ATP6V1C1: variants seen among roughly 807,000 people sequenced by gnomAD.
ATP6V1C1 encodes the protein ATPase H+ transporting V1 subunit C1, also known as V-type proton ATPase subunit C 1.
A neutral mutation model predicts 53.9 loss-of-function variants in ATP6V1C1; 45 were observed. The ratio of observed to expected loss-of-function variants is 0.83; its 90% CI spans 0.66 to 1.07. The LOEUF is 1.07. Ranked by LOEUF, ATP6V1C1 falls within the 50% of genes least tolerant of loss-of-function variation. The pLI, the probability that ATP6V1C1 is intolerant of heterozygous loss-of-function variation, is 0.00. For synonymous variants in ATP6V1C1, 153 were observed against 155.2 expected (o/e 0.99, Z 0.11); for missense variants, 315 against 440.3 (o/e 0.72, Z 2.55).
chr8:103,036,597 T>C (rs1563602333), intron 1 of ATP6V1C1, among the ~76,000 whole-genome samples: 1 of 152,218 alleles, frequency 6.6e-6, no homozygotes, highest in East Asian at 1.9e-4. Flanking sequence ...GATCAGAATT[T>C]ATCATGACAT....
Position 103,021,628 on chromosome 8 carries a change from G to T in ATP6V1C1, c.-40+403G>T, listed in dbSNP as rs552668650. Reference sequence around the variant, plus strand: ...CAAGTGCCTTCACTGGGTGTGTGTTGGGGGGGGCGCGGGTGTCGGGGGTCG... The same window carrying T: ...CAAGTGCCTTCACTGGGTGTGTGTTTGGGGGGGCGCGGGTGTCGGGGGTCG... On this transcript the variant is annotated intron_variant, in intron 1 of 12. Transcript: ENST00000518738. Among the ~76,000 whole-genome samples, 18 of 148,294 alleles carry T rather than the reference G, an allele frequency of 1.2e-4. No individual in the cohort carries two copies. The East Asian group carries it at 3.1e-3, about 26-fold the overall frequency.
intron 4 of ATP6V1C1, among the ~76,000 whole-genome samples, chr8:103,049,456 A>C (rs1453192264): frequency 1.3e-5 from 2 of 152,228 alleles, no homozygotes; most frequent in African/African-American, 4.8e-5. Context: ...AAAATAGCCT[A>C]CTGACTTCTC....
At chr8:103,041,081 C>A in intron 2 of ATP6V1C1, 113 bp downstream of exon 2, 1 of 1,199,054 alleles carries the variant, frequency 8.3e-7, no homozygotes, top group South Asian at 2.1e-5. Context: ...ACCTCCTCTC[C>A]AGCCATTGGC....
At chr8:103,040,997 T>G in intron 2 of ATP6V1C1, 29 bp downstream of exon 2, 1 of 1,602,848 alleles carries the variant, frequency 6.2e-7, no homozygotes, top group Non-Finnish European at 8.5e-7. Flanking sequence ...AAATTATATA[T>G]GAGTTCATCA....
intron 1 of ATP6V1C1, among the ~76,000 whole-genome samples, chr8:103,021,630 G>T (rs1816591836): frequency 6.6e-6 from 1 of 151,616 alleles, no homozygotes; most frequent in South Asian, 2.1e-4. Flanking sequence ...TGTGTGTTGG[G>T]GGGGGCGCGG....
At chr8:103,061,501 T>C (rs116034512) in intron 8 of ATP6V1C1, among the ~76,000 whole-genome samples, 44 of 152,324 alleles carry the variant, frequency 2.9e-4, no homozygotes, top group African/African-American at 9.9e-4. Context: ...TTGTAAAATT[T>C]CCTTTTTCTG....
At position 103,061,928 on chromosome 8, in the gene ATP6V1C1, C is replaced by T. The variant is rs896038268; in HGVS notation, c.642-1027C>T. Among the ~76,000 whole-genome samples, 12 of 152,078 alleles carry T rather than the reference C, an allele frequency of 7.9e-5. No individual in the cohort carries two copies. In the East Asian group the frequency reaches 1.2e-3, roughly 15 times the overall value. ...CAAATTTGGACCATACTATCACAAGCGATACCATTCACCTTTCAAACAGTG... is the reference window on the plus strand; with the variant it reads ...CAAATTTGGACCATACTATCACAAGTGATACCATTCACCTTTCAAACAGTG... On this transcript the variant is annotated intron_variant, in intron 8 of 12. Transcript: ENST00000518738.
chr8:103,053,371 TGTGA>T (rs2131396876), intron 6 of ATP6V1C1, among the ~76,000 whole-genome samples: 1 of 152,052 alleles, frequency 6.6e-6, no homozygotes, highest in South Asian at 2.1e-4. Context: ...GGTTGGATAC[TGTGA>T]GTGATACAAA....
At chr8:103,052,909 T>C in intron 6 of ATP6V1C1, 87 bp downstream of exon 6, 1 of 784,582 alleles carries the variant, frequency 1.3e-6, no homozygotes, top group Non-Finnish European at 1.9e-6. Flanking sequence ...ATTTAGTTAG[T>C]TTCAGTTTAT....
rs537049680 is a variant in ATP6V1C1 at position 103,069,753 on chromosome 8, A to C, written c.*1006A>C. ...GCTTTTAAAAGAGGATTTTGTGGCA[A>C]TGTTTCTCTTACTACGTACTCACAG... On this transcript the variant is annotated 3_prime_UTR_variant, in exon 13 of 13. Coordinates refer to ENST00000518738, the MANE Select transcript of ATP6V1C1 (RefSeq NM_001695.5). 2 of 152,184 alleles carry C rather than the reference A, an allele frequency of 1.3e-5. No individual in the cohort carries two copies. Among genetic ancestry groups the C allele is most frequent in the Non-Finnish European group, 2.9e-5 (2 of 68,034 alleles). The allele number at this position is 152,184 out of a possible 1,614,324, so 9.4% of individuals were successfully genotyped here. A position where few individuals can be genotyped will look rare whatever the true frequency, so the allele number is the denominator to read the frequency against.
At chr8:103,039,259 T>G (rs963358764) in intron 1 of ATP6V1C1, among the ~76,000 whole-genome samples, 6 of 152,170 alleles carry the variant, frequency 3.9e-5, no homozygotes, top group Admixed American at 3.9e-4. Flanking sequence ...CTATAAACAG[T>G]AGTTAGAAAA....
chr8:103,059,692 C>T (rs1817359205), intron 8 of ATP6V1C1, among the ~76,000 whole-genome samples: 1 of 152,120 alleles, frequency 6.6e-6, no homozygotes, highest in African/African-American at 2.4e-5. Context: ...CCCACTGCCA[C>T]TGCTCCAGCT....
At chr8:103,059,058 TTC>T (rs2131400436) in intron 8 of ATP6V1C1, among the ~76,000 whole-genome samples, 1 of 152,286 alleles carries the variant, frequency 6.6e-6, no homozygotes, top group African/African-American at 2.4e-5. Flanking sequence ...CTTTTGCCTT[TTC>T]TCTGTCATTG....
intron 3 of ATP6V1C1, among the ~76,000 whole-genome samples, chr8:103,047,371 C>G (rs1455289563): frequency 1.4e-5 from 2 of 145,504 alleles, no homozygotes; most frequent in African/African-American, 5.1e-5. Context: ...TGCACCACTG[C>G]ATTCCAACAT....
At chr8:103,061,568 C>T (rs921312853) in intron 8 of ATP6V1C1, among the ~76,000 whole-genome samples, 1 of 152,090 alleles carries the variant, frequency 6.6e-6, no homozygotes, top group African/African-American at 2.4e-5. Flanking sequence ...AAACAACCAA[C>T]AAAAGGGCAC....
intron 3 of ATP6V1C1, among the ~76,000 whole-genome samples, chr8:103,045,063 A>G (rs1300048049): frequency 6.6e-6 from 1 of 152,188 alleles, no homozygotes; most frequent in East Asian, 1.9e-4. Context: ...GGGGATACAA[A>G]GATTTTATTT....
At chr8:103,021,821 A>G (rs1033470640) in intron 1 of ATP6V1C1, among the ~76,000 whole-genome samples, 13 of 152,334 alleles carry the variant, frequency 8.5e-5, no homozygotes, top group African/African-American at 2.6e-4. Context: ...AGAACAAAAC[A>G]AAACAAACCC....
At chr8:103,066,126 C>T (rs933743030) in intron 11 of ATP6V1C1, among the ~76,000 whole-genome samples, 195 bp from the exon 12 acceptor site, 9 of 151,930 alleles carry the variant, frequency 5.9e-5, no homozygotes, top group Admixed American at 5.2e-4. Flanking sequence ...CAAAGGTTTG[C>T]GTTTCTGTTT....
At chr8:103,050,556 T>C (rs1052030924) in intron 4 of ATP6V1C1, among the ~76,000 whole-genome samples, 7 of 152,198 alleles carry the variant, frequency 4.6e-5, no homozygotes, top group African/African-American at 1.7e-4. Context: ...GCTCTACATG[T>C]TTTATTCTTT....
Sources: gnomAD v4.1 joint callset for allele counts (sites outside exome capture counted in the v4.1 genomes callset) on GRCh38, gnomAD v4.1.1 for gene constraint, MANE v1.5 for transcripts, NCBI Gene and HGNC (gene_info 2026-07-23, HGNC 2026-07-21) for gene names.